The following NAALADL2 variants were observed in gnomAD, a reference collection of about 807,000 sequenced individuals.
NAALADL2 encodes the protein inactive N-acetylated-alpha-linked acidic dipeptidase-like protein 2.
Under a neutral mutation model 87.2 loss-of-function variants are expected in NAALADL2, and 76 were observed. That is an observed-to-expected ratio of 0.87 (90% confidence interval 0.72 to 1.05). The LOEUF is 1.05. Among genes scored for constraint, NAALADL2 ranks in the 50% least tolerant of loss-of-function variants. The probability of loss-of-function intolerance (pLI) is 0.00; values close to 1 mark genes in which losing one functional copy is unlikely to be tolerated. For missense variants in NAALADL2, 1,089 were observed against 945.8 expected (o/e 1.15, Z -1.99); for synonymous variants, 354 against 331.0 (o/e 1.07, Z -0.75).
intron 1 of NAALADL2, among the ~76,000 whole-genome samples, chr3:174,886,015 G>A (rs750432300): frequency 8.9e-5 from 13 of 146,368 alleles, no homozygotes; most frequent in Non-Finnish European, 1.5e-4. Flanking sequence ...CTGGGTTCAC[G>A]CCATTCTCCT....
intron 2 of NAALADL2, among the ~76,000 whole-genome samples, chr3:175,179,500 A>G (rs578234146): frequency 6.6e-6 from 1 of 151,984 alleles, no homozygotes; most frequent in African/African-American, 2.4e-5. Flanking sequence ...CAAGTAGCCT[A>G]TGGAATTTTA....
intron 5 of NAALADL2, among the ~76,000 whole-genome samples, chr3:175,377,766 A>G (rs1386278627): frequency 6.6e-6 from 1 of 152,148 alleles, no homozygotes; most frequent in Non-Finnish European, 1.5e-5. Context: ...GACATCAGAG[A>G]CTATGTCTGG....
intron 11 of NAALADL2, among the ~76,000 whole-genome samples, chr3:175,716,695 G>A (rs1026839594): frequency 2.1e-4 from 32 of 152,208 alleles, no homozygotes; most frequent in African/African-American, 7.5e-4. Context: ...GATTGTTATA[G>A]GCCTCAGGAT....
intron 6 of NAALADL2, among the ~76,000 whole-genome samples, chr3:175,452,245 C>T (rs1230087091): frequency 6.6e-6 from 1 of 152,116 alleles, no homozygotes; most frequent in Non-Finnish European, 1.5e-5. Flanking sequence ...CTCTCTCTCT[C>T]TCTTGCTATG....
intron 2 of NAALADL2, among the ~76,000 whole-genome samples, chr3:174,611,459 A>C (rs1719871193): frequency 6.6e-6 from 1 of 150,994 alleles, no homozygotes; most frequent in East Asian, 1.9e-4. Context: ...CCATTTTTTG[A>C]TTTGTTCTTT....
At chr3:175,322,804 G>C (rs1760088919) in intron 4 of NAALADL2, among the ~76,000 whole-genome samples, 1 of 148,076 alleles carries the variant, frequency 6.8e-6, no homozygotes, top group African/African-American at 2.5e-5. Flanking sequence ...TCTCACACCA[G>C]TTAGAATGGC....
intron 3 of NAALADL2, among the ~76,000 whole-genome samples, chr3:175,238,058 G>T (rs1746213253): frequency 6.6e-6 from 1 of 151,732 alleles, no homozygotes. Context: ...AACTGGGTGG[G>T]GTGTTTTTTT....
At chr3:175,699,626 T>C (rs1481603156) in intron 11 of NAALADL2, among the ~76,000 whole-genome samples, 3 of 152,058 alleles carry the variant, frequency 2.0e-5, no homozygotes, top group African/African-American at 7.2e-5. Context: ...ATAAGATATA[T>C]TGAACAAGTA....
At chr3:174,801,104 T>C (rs887615321) in intron 3 of NAALADL2, among the ~76,000 whole-genome samples, 1 of 152,180 alleles carries the variant, frequency 6.6e-6, no homozygotes, top group Non-Finnish European at 1.5e-5. Flanking sequence ...GAGTTGAGAC[T>C]TGGAGGGACT....
intron 9 of NAALADL2, among the ~76,000 whole-genome samples, chr3:175,474,126 G>T (rs751257237): frequency 1.3e-5 from 2 of 151,856 alleles, no homozygotes; most frequent in East Asian, 1.9e-4. Flanking sequence ...TCTCATTGTG[G>T]TTTTTTTATT....
chr3:174,726,041 G>A (rs1389559530), intron 2 of NAALADL2, among the ~76,000 whole-genome samples: 1 of 151,990 alleles, frequency 6.6e-6, no homozygotes, highest in Non-Finnish European at 1.5e-5. Flanking sequence ...ATTAACTGCA[G>A]TCTGGTTTCT....
At chr3:174,537,130 A>G (rs1721794826) in intron 1 of NAALADL2, among the ~76,000 whole-genome samples, 1 of 152,202 alleles carries the variant, frequency 6.6e-6, no homozygotes, top group African/African-American at 2.4e-5. Context: ...GTTATTGAAG[A>G]CTTACACTGA....
At chr3:175,404,491 A>C (rs1407258548) in intron 5 of NAALADL2, among the ~76,000 whole-genome samples, 1 of 152,120 alleles carries the variant, frequency 6.6e-6, no homozygotes, top group Non-Finnish European at 1.5e-5. Context: ...GTGTCCTCCA[A>C]ACAAGAACAT....
chr3:175,632,160 T>C (rs930875451), intron 11 of NAALADL2, among the ~76,000 whole-genome samples: 1 of 151,882 alleles, frequency 6.6e-6, no homozygotes, highest in Non-Finnish European at 1.5e-5. Flanking sequence ...AGGGACCTAG[T>C]GGGAGGTGAT....
Position 175,056,300 on chromosome 3 carries a change from A to T in NAALADL2, c.44-40490A>T, listed in dbSNP as rs68175022. ...GGTTATACTCTCCTTCCTTCTTATC[A>T]TTAGTGTGAAAAGTTTCCAAAGTGG... On this transcript the variant is annotated intron_variant, in intron 1 of 13. Coordinates refer to ENST00000454872, the MANE Select transcript of NAALADL2 (RefSeq NM_207015.3). 2.6e-5 allele frequency among the ~76,000 whole-genome samples: 4 copies of T among 152,048 alleles called. No homozygotes were observed. The East Asian group carries it at 7.8e-4, about 29-fold the overall frequency.
intron 5 of NAALADL2, among the ~76,000 whole-genome samples, chr3:175,356,617 T>G (rs1335677005): frequency 9.7e-6 from 1 of 103,546 alleles, no homozygotes; most frequent in Non-Finnish European, 2.2e-5. Flanking sequence ...AATAAAGAAA[T>G]AAAAGAAAAT....
At chr3:174,461,330 C>T (rs908960937) in intron 1 of NAALADL2, among the ~76,000 whole-genome samples, 2 of 152,022 alleles carry the variant, frequency 1.3e-5, no homozygotes. Context: ...AGCAGTTTTT[C>T]ATAAACATTC....
At chr3:175,522,308 T>C (rs1300096484) in intron 9 of NAALADL2, among the ~76,000 whole-genome samples, 2 of 152,218 alleles carry the variant, frequency 1.3e-5, no homozygotes, top group Admixed American at 1.3e-4. Flanking sequence ...CAAATATTCG[T>C]TGAATGCTCC....
At chr3:174,717,424 T>G in intron 2 of NAALADL2, among the ~76,000 whole-genome samples, 1 of 152,242 alleles carries the variant, frequency 6.6e-6, no homozygotes, top group East Asian at 1.9e-4. Context: ...CCGGTCTTTT[T>G]GTACACATCT....
Sources: gnomAD v4.1 joint callset for allele counts (sites outside exome capture counted in the v4.1 genomes callset) on GRCh38, gnomAD v4.1.1 for gene constraint, MANE v1.5 for transcripts, NCBI Gene and HGNC (gene_info 2026-07-23, HGNC 2026-07-21) for gene names.